LRRC14: variants seen among roughly 807,000 people sequenced by gnomAD.
The protein encoded by LRRC14 is leucine rich repeat containing 14.
A neutral mutation model predicts 25.3 loss-of-function variants in LRRC14; 16 were observed. The ratio of observed to expected loss-of-function variants is 0.63; its 90% confidence interval spans 0.43 to 0.96. The LOEUF is 0.96. LRRC14 is among the 40% of genes least tolerant of loss of function. LRRC14 has a pLI of 0.00. For missense variants in LRRC14, 594 were observed against 660.5 expected, an observed-to-expected ratio of 0.90 and a Z score of 1.10; for synonymous variants, 359 against 295.1, an observed-to-expected ratio of 1.22 and a Z score of -2.22.
At position 144,522,141 on chromosome 8, in the gene LRRC14, G is replaced by C; in HGVS notation, c.*663G>C. ...TCCAGCCTGTCGCCCCGCCCTTCGC[G>C]GGGCAGCCCCGTCGGCACTGCCGGC... On this transcript the variant is annotated 3_prime_UTR_variant, in exon 4 of 4. Transcript: ENST00000292524. 3.2e-6 allele frequency: 1 copy of C among 309,906 alleles called. No homozygotes were observed. 19.2% of individuals were successfully genotyped at this position (309,906 alleles called of 1,614,324 possible).
chr8:144,522,524 C>T lies in LRRC14; in HGVS notation c.*1046C>T, dbSNP rs903396584. ...CGGCGGGGGCACGCGGAGTCCCGGCCCCGCCCCCTGTTCCGGGCCGCAGTC... is the reference window on the plus strand; with the variant it reads ...CGGCGGGGGCACGCGGAGTCCCGGCTCCGCCCCCTGTTCCGGGCCGCAGTC... On this transcript the variant is annotated 3_prime_UTR_variant, in exon 4 of 4. Coordinates refer to ENST00000292524, the MANE Select transcript of LRRC14 (RefSeq NM_014665.4). The T allele has an allele frequency of 3.1e-5, 47 of 1,515,268 alleles. No individual in the cohort carries two copies. The highest frequency in any genetic ancestry group is 3.7e-5 in the South Asian group (3 of 80,432). 93.9% of individuals were successfully genotyped at this position (1,515,268 alleles called of 1,614,324 possible).
rs1373557603 is a variant in LRRC14, at chr8:144,519,612, C to T, written c.-111-3C>T. On this transcript the variant is annotated splice_region_variant and splice_polypyrimidine_tract_variant and intron_variant, in intron 1 of 3. Transcript: ENST00000292524. ...CCACTGCTAACTGCTGACTTTGTTT[C>T]AGGCACTATGCTGGGCCTTCCTACC... The T allele has an allele frequency of 2.2e-6, 2 of 907,550 alleles. No homozygotes were observed. The highest frequency in any genetic ancestry group is 2.7e-5 in the East Asian group (1 of 37,628). The allele number at this position is 907,550 out of a possible 1,614,324, so 56.2% of individuals were successfully genotyped here. A position where few individuals can be genotyped will look rare whatever the true frequency, so the allele number is the denominator to read the frequency against.
chr8:144,519,648 G>A lies in LRRC14; in HGVS notation c.-78G>A. On this transcript the variant is annotated 5_prime_UTR_variant, in exon 2 of 4. It introduces an in-frame stop codon into an upstream open reading frame of the 5' UTR. Transcript: ENST00000292524. The stretch of plus-strand genomic sequence containing the variant: ...CTGGGCCTTCCTACCACTTGTGTGT[G>A]GCTTGGTAGTGGCCTAGGGTCTCTC... 1 of 1,300,542 alleles carries A rather than the reference G, an allele frequency of 7.7e-7. No individual in the cohort carries two copies. Among genetic ancestry groups the A allele is most frequent in the East Asian group, 2.5e-5 (1 of 39,618 alleles). The allele number at this position is 1,300,542 out of a possible 1,614,324, so 80.6% of individuals were successfully genotyped here.
chr8:144,524,909 G>C lies in LRRC14; in HGVS notation c.*3431G>C. 1 of 1,514,664 alleles carries C rather than the reference G, an allele frequency of 6.6e-7. No homozygotes were observed. Among genetic ancestry groups the C allele is most frequent in the South Asian group, 1.2e-5 (1 of 82,776 alleles). The allele number at this position is 1,514,664 out of a possible 1,614,324, so 93.8% of individuals were successfully genotyped here. On this transcript the variant is annotated 3_prime_UTR_variant, in exon 4 of 4. Transcript: ENST00000292524. ...TGTAGCAGCGGCAGGCTGCTGGGCA[G>C]CCGGCGGCGCGGAGCGGCAGTAGTA...
At position 144,524,456 on chromosome 8, in the gene LRRC14, G is replaced by A. The variant is rs750784239; in HGVS notation, c.*2978G>A. The A allele has an allele frequency of 6.3e-6, 10 of 1,597,890 alleles. No homozygotes were observed. Among genetic ancestry groups the A allele is most frequent in the African/African-American group, 2.7e-5 (2 of 74,940 alleles). ...AGGCGCTCACCGGCAGGTGCAAGAAGGTGAAATCCAGCAGCCGCGCCAGCT... is the reference window on the plus strand; with the variant it reads ...AGGCGCTCACCGGCAGGTGCAAGAAAGTGAAATCCAGCAGCCGCGCCAGCT... On this transcript the variant is annotated 3_prime_UTR_variant, in exon 4 of 4. Transcript: ENST00000292524.
In LRRC14 at chr8:144,524,993, T is replaced by C; in HGVS notation, c.*3515T>C. 1 of 1,430,516 alleles carries C rather than the reference T, an allele frequency of 7.0e-7. No homozygotes were observed. Among genetic ancestry groups the C allele is most frequent in the Non-Finnish European group, 9.1e-7 (1 of 1,094,412 alleles). The allele number at this position is 1,430,516 out of a possible 1,614,324, so 88.6% of individuals were successfully genotyped here. On this transcript the variant is annotated 3_prime_UTR_variant, in exon 4 of 4. Transcript: ENST00000292524. ...GGGCCATCTCCCGAGGCCCGGTTCCTCACCGGCCCTTCCGCGGTTCAGCCG... is the reference window on the plus strand; with the variant it reads ...GGGCCATCTCCCGAGGCCCGGTTCCCCACCGGCCCTTCCGCGGTTCAGCCG...
In LRRC14 at chr8:144,519,637, C is replaced by T; in HGVS notation, c.-89C>T. 8.3e-7 allele frequency: 1 copy of T among 1,199,028 alleles called. No individual in the cohort carries two copies. The highest frequency in any genetic ancestry group is 1.2e-6 in the Non-Finnish European group (1 of 850,538). 74.3% of individuals were successfully genotyped at this position (1,199,028 alleles called of 1,614,324 possible). A position where few individuals can be genotyped will look rare whatever the true frequency, so the allele number is the denominator to read the frequency against. ...CAGGCACTATGCTGGGCCTTCCTAC[C>T]ACTTGTGTGTGGCTTGGTAGTGGCC... On this transcript the variant is annotated 5_prime_UTR_variant, in exon 2 of 4. Transcript: ENST00000292524.
chr8:144,522,674 T>G lies in LRRC14; in HGVS notation c.*1196T>G, dbSNP rs776933803. On this transcript the variant is annotated 3_prime_UTR_variant, in exon 4 of 4. Transcript: ENST00000292524. Reference sequence around the variant, plus strand: ...GAACGTACAGGGGCCGTCCAAGTAGTCGTTGACGAACAGCGCTCCCTCCCC... The same window carrying G: ...GAACGTACAGGGGCCGTCCAAGTAGGCGTTGACGAACAGCGCTCCCTCCCC... 6.3e-7 allele frequency: 1 copy of G among 1,596,356 alleles called. No homozygotes were observed. The highest frequency in any genetic ancestry group is 1.1e-5 in the South Asian group (1 of 88,736).
Position 144,519,677 on chromosome 8 carries a change from C to T in LRRC14, c.-49C>T, listed in dbSNP as rs1394049422. The T allele has an allele frequency of 6.6e-7, 1 of 1,512,516 alleles. No individual in the cohort carries two copies. The highest frequency in any genetic ancestry group is 1.4e-5 in the African/African-American group (1 of 72,754). 93.7% of individuals were successfully genotyped at this position (1,512,516 alleles called of 1,614,324 possible). ...TGGTAGTGGCCTAGGGTCTCTCCTC[C>T]CTGCTGAAGTCCCTCTCCTGCAGGT... On this transcript the variant is annotated 5_prime_UTR_variant, in exon 2 of 4. Transcript: ENST00000292524.
In LRRC14 at chr8:144,520,922, G is replaced by T; in HGVS notation, c.926G>T (p.Ser309Ile). The change falls in exon 4 of 4, where the codon AGC becomes ATC. Residue 309 changes from serine (S) to isoleucine (I), a missense_variant. By Grantham distance (142) the Ser-to-Ile change is moderately radical. Transcript: ENST00000292524. ...TGTGTCCCCTGTAGCACCCTGCAGA[G>T]CCCCCTGGAGAGCCTGGAGTTGGCC... ...RLDQLLSTLQ[S>I]PLESLELAFC... 1 of 1,610,466 alleles carries T rather than the reference G, an allele frequency of 6.2e-7. No individual in the cohort carries two copies.
Position 144,523,583 on chromosome 8 carries a change from C to T in LRRC14, c.*2105C>T. Reference sequence around the variant, plus strand: ...ACCCCAAGCTCCTTGGGGCGGCAGGCCCTTCACCCTCGCCCCCCTCCCCTT... The same window carrying T: ...ACCCCAAGCTCCTTGGGGCGGCAGGTCCTTCACCCTCGCCCCCCTCCCCTT... On this transcript the variant is annotated 3_prime_UTR_variant, in exon 4 of 4. Coordinates refer to ENST00000292524, the MANE Select transcript of LRRC14 (RefSeq NM_014665.4). 9.8e-7 allele frequency: 1 copy of T among 1,025,240 alleles called. No individual in the cohort carries two copies. Among genetic ancestry groups the T allele is most frequent in the African/African-American group, 1.7e-5 (1 of 59,272 alleles). 63.5% of individuals were successfully genotyped at this position (1,025,240 alleles called of 1,614,324 possible).
intron 1 of LRRC14, 131 bp from the exon 2 acceptor site, chr8:144,519,484 T>C: frequency 1.7e-6 from 1 of 585,354 alleles, no homozygotes; most frequent in East Asian, 2.8e-5. Flanking sequence ...TCTAAAGAGA[T>C]CCTGTGCATC....
rs1002030586 is a variant in LRRC14 at position 144,524,015 on chromosome 8, C to T, written c.*2537C>T. 2.1e-6 allele frequency: 3 copies of T among 1,419,114 alleles called. No individual in the cohort carries two copies. The highest frequency in any genetic ancestry group is 4.3e-5 in the Admixed American group (2 of 47,044). The allele number at this position is 1,419,114 out of a possible 1,614,324, so 87.9% of individuals were successfully genotyped here. A position where few individuals can be genotyped will look rare whatever the true frequency, so the allele number is the denominator to read the frequency against. ...GTGGTGCAGCCTTCCAGACTGCTGC[C>T]CAGTTGCCTGATGTCAGAGCCCCTC... On this transcript the variant is annotated 3_prime_UTR_variant, in exon 4 of 4. Transcript: ENST00000292524.
In LRRC14 at chr8:144,519,970, C is replaced by T. The variant is rs757988276; in HGVS notation, c.245C>T (p.Thr82Ile). 1 of 1,612,984 alleles carries T rather than the reference C, an allele frequency of 6.2e-7. No individual in the cohort carries two copies. Among genetic ancestry groups the T allele is most frequent in the East Asian group, 2.2e-5 (1 of 44,882 alleles). ...SRALLQERPS[T>I]ESMQAVILGL... ...GCCCTCCTGCAGGAGCGGCCTAGCACTGAGAGCATGCAGGCTGTTATCCTG... is the reference window on the plus strand; with the variant it reads ...GCCCTCCTGCAGGAGCGGCCTAGCATTGAGAGCATGCAGGCTGTTATCCTG... Residue 82 changes from threonine (T) to isoleucine (I), a missense_variant, in exon 2 of 4, where the codon ACT (threonine) becomes ATT (isoleucine). Transcript: ENST00000292524.
Position 144,519,890 on chromosome 8 carries a change from C to T in LRRC14, c.165C>T (p.Pro55=), listed in dbSNP as rs185555518. ...TGCGCGAGTTGGTACACACGTGGCC[C>T]TTCCCGCTGCTCAGTTTCCAGCAGC... is the stretch of plus-strand genomic sequence containing the variant. ...VVLRELVHTW[P]FPLLSFQQLL... Residue 55 remains proline, a synonymous_variant, in exon 2 of 4, where the codon CCC becomes CCT. Transcript: ENST00000292524. 1 of 1,613,470 alleles carries T rather than the reference C, an allele frequency of 6.2e-7. No homozygotes were observed. Among genetic ancestry groups the T allele is most frequent in the Non-Finnish European group, 8.5e-7 (1 of 1,180,038 alleles).
At position 144,524,903 on chromosome 8, in the gene LRRC14, TGGGC is replaced by T. The variant is rs1410953626; in HGVS notation, c.*3426_*3429del. The T allele has an allele frequency of 6.6e-7, 1 of 1,514,994 alleles. No homozygotes were observed. The highest frequency in any genetic ancestry group is 1.2e-5 in the South Asian group (1 of 82,788). 93.8% of individuals were successfully genotyped at this position (1,514,994 alleles called of 1,614,324 possible). A position where few individuals can be genotyped will look rare whatever the true frequency, so the allele number is the denominator to read the frequency against. On this transcript the variant is annotated 3_prime_UTR_variant, in exon 4 of 4. Coordinates refer to ENST00000292524, the MANE Select transcript of LRRC14 (RefSeq NM_014665.4). ...TGGCGCTGTAGCAGCGGCAGGCTGCTGGGCAGCCGGCGGCGCGGAGCGGCAGTAG... is the reference window on the plus strand; with the variant it reads ...TGGCGCTGTAGCAGCGGCAGGCTGCTAGCCGGCGGCGCGGAGCGGCAGTAG...
Position 144,519,639 on chromosome 8 carries a change from C to G in LRRC14, c.-87C>G. 8.1e-7 allele frequency: 1 copy of G among 1,228,754 alleles called. No homozygotes were observed. The highest frequency in any genetic ancestry group is 1.1e-6 in the Non-Finnish European group (1 of 876,454). The allele number at this position is 1,228,754 out of a possible 1,614,324, so 76.1% of individuals were successfully genotyped here. On this transcript the variant is annotated 5_prime_UTR_variant, in exon 2 of 4. Transcript: ENST00000292524. ...GGCACTATGCTGGGCCTTCCTACCA[C>G]TTGTGTGTGGCTTGGTAGTGGCCTA...
In LRRC14 at chr8:144,522,724, CCT is replaced by C. The variant is rs1564823556; in HGVS notation, c.*1247_*1248del. 3.1e-6 allele frequency: 5 copies of C among 1,593,864 alleles called. No homozygotes were observed. Among genetic ancestry groups the C allele is most frequent in the Non-Finnish European group, 4.3e-6 (5 of 1,171,496 alleles). ...CCGGAGGCCCCCGCGCCTTTTTTCG[CCT>C]GCGGCGCCGGCGACAGATCATGGCG... On this transcript the variant is annotated 3_prime_UTR_variant, in exon 4 of 4. Coordinates refer to ENST00000292524, the MANE Select transcript of LRRC14 (RefSeq NM_014665.4).
chr8:144,523,484 C>A lies in LRRC14; in HGVS notation c.*2006C>A. 1 of 1,472,878 alleles carries A rather than the reference C, an allele frequency of 6.8e-7. No individual in the cohort carries two copies. The highest frequency in any genetic ancestry group is 1.4e-5 in the South Asian group (1 of 71,192). 91.2% of individuals were successfully genotyped at this position (1,472,878 alleles called of 1,614,324 possible). The stretch of plus-strand genomic sequence containing the variant: ...GCCTGTGCAGTTGGGGTTTTGCAGG[C>A]CAGGACAGAGGCCTCTTTCCCACCT... On this transcript the variant is annotated 3_prime_UTR_variant, in exon 4 of 4. Transcript: ENST00000292524.
Sources: allele counts gnomAD v4.1 joint callset, GRCh38; gene constraint gnomAD v4.1.1; transcripts MANE v1.5; gene names NCBI Gene and HGNC (gene_info 2026-07-23, HGNC 2026-07-21).